Variants in SEZ6L observed in about 807,000 individuals in gnomAD.
SEZ6L encodes seizure 6-like protein.
A neutral mutation model predicts 106.2 loss-of-function variants in SEZ6L; 37 were observed. The observed-to-expected ratio is 0.35, with a 90% CI of 0.27 to 0.46. The LOEUF (loss-of-function observed/expected upper bound fraction) is 0.46, where lower values mean the gene tolerates loss of function less well. Ranked by LOEUF, SEZ6L falls within the 20% of genes least tolerant of loss-of-function variation. The pLI is 1.00. For missense variants in SEZ6L, 1,172 were observed against 1,332.8 expected, an observed-to-expected ratio of 0.88 and a Z score of 1.88; for synonymous variants, 541 against 570.4, an observed-to-expected ratio of 0.95 and a Z score of 0.73.
chr22:26,364,425 TAAAAAAAA>T lies in SEZ6L; in HGVS notation c.2600-933_2600-926del, dbSNP rs10577471. 1.1e-4 allele frequency among the ~76,000 whole-genome samples: 14 copies of T among 131,254 alleles called. No individual in the cohort carries two copies. The South Asian group carries it at 3.2e-3, about 30-fold the overall frequency. The allele number at this position is 131,254 out of a possible 152,430, so 86.1% of individuals were successfully genotyped here. ...GCATGGCAAGACCCTGTCTCTACTT[TAAAAAAAA>T]AAAAAAAAAAAAAGCCGAGTGTGGC... On this transcript the variant is annotated intron_variant, in intron 12 of 16. Transcript: ENST00000248933.
intron 13 of SEZ6L, among the ~76,000 whole-genome samples, chr22:26,370,753 C>T (rs2084003565): frequency 6.6e-6 from 1 of 151,910 alleles, no homozygotes; most frequent in South Asian, 2.1e-4. Context: ...CCTGTAATCC[C>T]AGCACTTTGA....
intron 1 of SEZ6L, among the ~76,000 whole-genome samples, chr22:26,202,960 A>G (rs191952445): frequency 1.3e-5 from 2 of 152,380 alleles, no homozygotes; most frequent in Admixed American, 6.5e-5. Flanking sequence ...CAAAGTTTCC[A>G]TATATTGCAG....
rs1454800120 is a variant in SEZ6L at position 26,180,745 on chromosome 22, T to A, written c.94+10982T>A. 2.6e-5 allele frequency among the ~76,000 whole-genome samples: 4 copies of A among 152,300 alleles called. No individual in the cohort carries two copies. In the East Asian group the frequency reaches 7.7e-4, roughly 29 times the overall value. On this transcript the variant is annotated intron_variant, in intron 1 of 16. Transcript: ENST00000248933. ...CCTCAAGGTGGGGTCCCAGGAGCTC[T>A]CCCCTTTTCCCATGAGAGATTCATC... is the stretch of plus-strand genomic sequence containing the variant.
At chr22:26,347,331 C>T (rs1297318444) in intron 10 of SEZ6L, among the ~76,000 whole-genome samples, 1 of 152,084 alleles carries the variant, frequency 6.6e-6, no homozygotes, top group Non-Finnish European at 1.5e-5. Flanking sequence ...CATCCAGTGA[C>T]ATCTGGTAAG....
At chr22:26,319,771 T>C (rs1225004136) in intron 9 of SEZ6L, among the ~76,000 whole-genome samples, 1 of 152,234 alleles carries the variant, frequency 6.6e-6, no homozygotes. Flanking sequence ...AGTTTATTTT[T>C]TGTCTTATTC....
intron 1 of SEZ6L, among the ~76,000 whole-genome samples, chr22:26,257,563 A>T (rs1027284115): frequency 2.6e-5 from 4 of 152,204 alleles, no homozygotes; most frequent in African/African-American, 9.6e-5. Flanking sequence ...GCTCCCAATA[A>T]TCAAAGGCAT....
intron 1 of SEZ6L, among the ~76,000 whole-genome samples, chr22:26,241,995 C>T (rs150502759): frequency 1.7e-3 from 265 of 152,318 alleles, no homozygotes; most frequent in African/African-American, 5.8e-3. Flanking sequence ...GGAAAACTGA[C>T]TTATTCAGTG....
At chr22:26,373,394 A>T in intron 13 of SEZ6L, 57 bp from the exon 14 acceptor site, 1 of 1,532,314 alleles carries the variant, frequency 6.5e-7, no homozygotes, top group South Asian at 1.2e-5. Flanking sequence ...GCCTCATTTC[A>T]TGCAAACGAA....
At chr22:26,204,181 A>G (rs1367239062) in intron 1 of SEZ6L, among the ~76,000 whole-genome samples, 3 of 152,254 alleles carry the variant, frequency 2.0e-5, no homozygotes, top group Non-Finnish European at 4.4e-5. Flanking sequence ...GTTCTTGAGT[A>G]TCTACAATGT....
intron 1 of SEZ6L, among the ~76,000 whole-genome samples, chr22:26,266,497 C>T (rs956534645): frequency 4.6e-5 from 7 of 151,550 alleles, no homozygotes; most frequent in South Asian, 2.1e-4. Flanking sequence ...GGCGTGAACC[C>T]GGGAGACGGA....
At chr22:26,329,509 T>C (rs2082417291) in intron 9 of SEZ6L, among the ~76,000 whole-genome samples, 1 of 152,196 alleles carries the variant, frequency 6.6e-6, no homozygotes, top group African/African-American at 2.4e-5. Flanking sequence ...TTGTGTGTTT[T>C]AAGGTGTCCT....
At chr22:26,367,572 G>T (rs922788291) in intron 13 of SEZ6L, among the ~76,000 whole-genome samples, 1 of 152,114 alleles carries the variant, frequency 6.6e-6, no homozygotes, top group Admixed American at 6.6e-5. Context: ...CTCTACTCCT[G>T]GCCTCAAACG....
chr22:26,343,324 CA>C (rs763323751), intron 10 of SEZ6L, among the ~76,000 whole-genome samples: 667 of 63,092 alleles, frequency 0.011, 2 homozygotes, highest in African/African-American at 0.033. Context: ...GCTTGATGGC[CA>C]AAAAAAAAAA....
At chr22:26,191,558 G>A (rs931113359) in intron 1 of SEZ6L, among the ~76,000 whole-genome samples, 3 of 140,168 alleles carry the variant, frequency 2.1e-5, no homozygotes, top group Non-Finnish European at 3.0e-5. Flanking sequence ...ACACATGGTG[G>A]AGAACAAAAC....
At chr22:26,350,860 G>C (rs1429893205) in intron 11 of SEZ6L, among the ~76,000 whole-genome samples, 192 bp from the exon 12 acceptor site, 5 of 152,002 alleles carry the variant, frequency 3.3e-5, no homozygotes, top group African/African-American at 1.2e-4. Context: ...GTTTCACCAT[G>C]TTAGCCAGGA....
intron 10 of SEZ6L, among the ~76,000 whole-genome samples, chr22:26,344,398 G>A (rs139645000): frequency 2.6e-5 from 4 of 152,148 alleles, no homozygotes; most frequent in East Asian, 1.9e-4. Context: ...GTTATTTGTC[G>A]TGTGTTTATT....
At chr22:26,320,436 G>A (rs988573273) in intron 9 of SEZ6L, among the ~76,000 whole-genome samples, 26 of 152,220 alleles carry the variant, frequency 1.7e-4, no homozygotes, top group Non-Finnish European at 3.7e-4. Flanking sequence ...GTCATCCCGG[G>A]GCCTTAGGAT....
chr22:26,313,253 G>A (rs927616657), intron 8 of SEZ6L, among the ~76,000 whole-genome samples: 5 of 152,184 alleles, frequency 3.3e-5, no homozygotes, highest in Non-Finnish European at 7.3e-5. Context: ...ATGAGCTTAA[G>A]CCTCAAAATA....
intron 12 of SEZ6L, among the ~76,000 whole-genome samples, chr22:26,364,227 T>C (rs1032607236): frequency 1.3e-5 from 2 of 152,108 alleles, no homozygotes; most frequent in African/African-American, 4.8e-5. Flanking sequence ...TGTGAAGCAA[T>C]TTGCTGGCTG....
Sources: gnomAD v4.1 joint callset for allele counts (sites outside exome capture counted in the v4.1 genomes callset) on GRCh38, gnomAD v4.1.1 for gene constraint, MANE v1.5 for transcripts, NCBI Gene and HGNC (gene_info 2026-07-23, HGNC 2026-07-21) for gene names.